The following JMJD1C variants were observed in gnomAD, a reference collection of about 807,000 sequenced individuals.
JMJD1C encodes the protein jumonji domain containing 1C.
JMJD1C carries 31 observed loss-of-function variants against 245.3 expected under a neutral mutation model. That is an observed-to-expected ratio of 0.13 (90% CI 0.09 to 0.17). The LOEUF is 0.17. Among genes scored for constraint, JMJD1C ranks in the 10% least tolerant of loss-of-function variants. The probability of loss-of-function intolerance (pLI) is 1.00; values close to 1 mark genes in which losing one functional copy is unlikely to be tolerated. For synonymous variants in JMJD1C, 1,057 were observed against 1,017.4 expected (o/e 1.04, Z -0.74); for missense variants, 2,691 against 3,000.2 (o/e 0.90, Z 2.41).
chr10:63,378,868 A>C (rs949663388), intron 2 of JMJD1C, among the ~76,000 whole-genome samples: 1 of 152,154 alleles, frequency 6.6e-6, no homozygotes, highest in South Asian at 2.1e-4. Flanking sequence ...ATACTCATTA[A>C]ATATTTTTTA....
chr10:63,274,893 C>T (rs1481129613), intron 2 of JMJD1C, among the ~76,000 whole-genome samples: 2 of 152,020 alleles, frequency 1.3e-5, no homozygotes, highest in Admixed American at 1.3e-4. Flanking sequence ...AGTAATCATA[C>T]AAATCAAGCA....
chr10:63,314,751 G>T (rs1007823080), intron 2 of JMJD1C, among the ~76,000 whole-genome samples: 1 of 151,746 alleles, frequency 6.6e-6, no homozygotes, highest in African/African-American at 2.4e-5. Flanking sequence ...GGGTTCAAGC[G>T]ATTCTCCTGC....
At chr10:63,514,413 G>T (rs1479412236) in intron 1 of JMJD1C, among the ~76,000 whole-genome samples, 3 of 152,118 alleles carry the variant, frequency 2.0e-5, no homozygotes, top group Non-Finnish European at 4.4e-5. Flanking sequence ...AGAAAATGTA[G>T]TACACACACA....
At chr10:63,349,992 C>A (rs1483266990) in intron 2 of JMJD1C, among the ~76,000 whole-genome samples, 1 of 152,066 alleles carries the variant, frequency 6.6e-6, no homozygotes, top group Non-Finnish European at 1.5e-5. Context: ...AAAAGTAAAG[C>A]ACTTATTACT....
At chr10:63,456,262 G>C (rs1952406935) in intron 1 of JMJD1C, among the ~76,000 whole-genome samples, 1 of 151,860 alleles carries the variant, frequency 6.6e-6, no homozygotes, top group East Asian at 1.9e-4. Flanking sequence ...GCTCTACATA[G>C]TTTTATCAAT....
In JMJD1C at chr10:63,208,084, A is replaced by G; in HGVS notation, c.3585T>C (p.Asn1195=). Reference sequence around the variant, plus strand: ...GTAATGCAGGCATACTGCGGAGTGTATTTGTAGAAGAAACTGTCAAATGGG... The same window carrying G: ...GTAATGCAGGCATACTGCGGAGTGTGTTTGTAGAAGAAACTGTCAAATGGG... The part of the protein sequence containing the change: ...SPTHLTVSST[N]TLRSMPALHR... Residue 1195 remains asparagine (N), a synonymous_variant, in exon 10 of 26, where the codon AAT becomes AAC. Coordinates refer to ENST00000399262, the MANE Select transcript of JMJD1C (RefSeq NM_032776.3). 6.2e-7 allele frequency: 1 copy of G among 1,614,114 alleles called. No homozygotes were observed. Among genetic ancestry groups the G allele is most frequent in the South Asian group, 1.1e-5 (1 of 91,080 alleles).
At chr10:63,357,696 CAG>C (rs1704475192) in intron 2 of JMJD1C, among the ~76,000 whole-genome samples, 1 of 152,076 alleles carries the variant, frequency 6.6e-6, no homozygotes, top group Non-Finnish European at 1.5e-5. Flanking sequence ...TGTCAGACGG[CAG>C]AGATTCACAG....
intron 4 of JMJD1C, among the ~76,000 whole-genome samples, chr10:63,219,581 T>C (rs541160649): frequency 1.3e-5 from 2 of 152,312 alleles, no homozygotes; most frequent in Admixed American, 6.5e-5. Context: ...CAATGCTTCC[T>C]TCTCCAGGAA....
intron 2 of JMJD1C, among the ~76,000 whole-genome samples, chr10:63,377,419 C>A (rs766923274): frequency 8.6e-5 from 13 of 152,008 alleles, no homozygotes; most frequent in African/African-American, 1.2e-4. Context: ...CATTTTACCA[C>A]AATTAAAAAT....
At chr10:63,227,860 G>T (rs1365621810) in intron 3 of JMJD1C, among the ~76,000 whole-genome samples, 1 of 152,108 alleles carries the variant, frequency 6.6e-6, no homozygotes. Context: ...GAGATTGCTG[G>T]CAACAGTTTT....
In JMJD1C at chr10:63,429,040, G is replaced by GCACGATCTCAGCTTACCGTAA. The variant is rs1159047400; in HGVS notation, c.168+36434_168+36454dup. Among the ~76,000 whole-genome samples the GCACGATCTCAGCTTACCGTAA allele has an allele frequency of 2.0e-5, 3 of 152,138 alleles. No homozygotes were observed. The East Asian group carries it at 5.8e-4, about 29-fold the overall frequency. On this transcript the variant is annotated intron_variant, in intron 1 of 25. Transcript: ENST00000399262. Reference sequence around the variant, plus strand: ...TTGTTACCCAGGCTGGAGTGCAATGGCACGATCTCAGCTTACCGTAACCTC... The same window carrying GCACGATCTCAGCTTACCGTAA: ...TTGTTACCCAGGCTGGAGTGCAATGGCACGATCTCAGCTTACCGTAACACGATCTCAGCTTACCGTAACCTC...
intron 1 of JMJD1C, among the ~76,000 whole-genome samples, chr10:63,445,172 A>G (rs1239675403): frequency 6.6e-6 from 1 of 152,184 alleles, no homozygotes; most frequent in East Asian, 1.9e-4. Context: ...GTAAGCTATG[A>G]CCACGCCATC....
rs766222653 is a variant in JMJD1C, at chr10:63,214,625, A to T, written c.1542T>A (p.Asn514Lys). Residue 514 changes from asparagine to lysine, a missense_variant, in exon 8 of 26, where the codon AAT becomes AAA. By Grantham distance (94) the Asn-to-Lys change is moderately conservative (BLOSUM62 0). Around this residue, in one of 9 missense-constraint regions of JMJD1C, gnomAD observed 1,562 missense variants for 1,490.7 expected, o/e 1.05. Coordinates refer to ENST00000399262, the MANE Select transcript of JMJD1C (RefSeq NM_032776.3). ...PTPKCVIDIT[N>K]DTNLEKVAQE... Reference sequence around the variant, plus strand: ...GAGCCACCTTTTCTAAATTAGTGTCATTTGTAATATCAATAACACATTTTG... The same window carrying T: ...GAGCCACCTTTTCTAAATTAGTGTCTTTTGTAATATCAATAACACATTTTG... The T allele has an allele frequency of 1.2e-6, 2 of 1,614,034 alleles. No homozygotes were observed. Among genetic ancestry groups the T allele is most frequent in the African/African-American group, 2.7e-5 (2 of 74,942 alleles).
intron 10 of JMJD1C, chr10:63,205,061 A>G: frequency 1.0e-6 from 1 of 979,462 alleles, no homozygotes; most frequent in Non-Finnish European, 1.2e-6. Context: ...ACTGAGAAAA[A>G]CTACTACTAG....
chr10:63,316,533 C>T (rs545436962), intron 2 of JMJD1C, among the ~76,000 whole-genome samples: 42 of 152,064 alleles, frequency 2.8e-4, no homozygotes, highest in South Asian at 1.5e-3. Context: ...CTGCAACTTC[C>T]GCCTCCTGTG....
At chr10:63,457,885 T>A (rs1952516808) in intron 1 of JMJD1C, among the ~76,000 whole-genome samples, 1 of 152,228 alleles carries the variant, frequency 6.6e-6, no homozygotes, top group South Asian at 2.1e-4. Context: ...GTATGCATAG[T>A]TTTGTTTTGC....
At chr10:63,440,349 A>ATATAT (rs1366791365) in intron 1 of JMJD1C, among the ~76,000 whole-genome samples, 48 of 63,166 alleles carry the variant, frequency 7.6e-4, no homozygotes, top group African/African-American at 2.0e-3. Context: ...AGAAAAAAAA[A>ATATAT]AAAAATATAT....
chr10:63,387,868 CT>C (rs1392463123), intron 1 of JMJD1C, among the ~76,000 whole-genome samples: 1 of 151,804 alleles, frequency 6.6e-6, no homozygotes, highest in Non-Finnish European at 1.5e-5. Flanking sequence ...ATCTCCTGAC[CT>C]TGTGATCTGC....
chr10:63,212,009 C>A (rs1847422716), intron 8 of JMJD1C, among the ~76,000 whole-genome samples: 1 of 150,606 alleles, frequency 6.6e-6, no homozygotes. Context: ...AGAAGAAGAT[C>A]ATGTCACATG....
Sources: allele counts gnomAD v4.1 joint callset (sites outside exome capture counted in the v4.1 genomes callset), GRCh38; gene constraint gnomAD v4.1.1; regional missense constraint gnomAD v4.1.1; transcripts MANE v1.5; gene names NCBI Gene and HGNC (gene_info 2026-07-23, HGNC 2026-07-21).